ABCC5: variants seen among roughly 807,000 people sequenced by gnomAD.
The protein encoded by ABCC5 is ATP binding cassette subfamily C member 5, also known as ATP-binding cassette sub-family C member 5.
ABCC5 carries 61 observed loss-of-function variants against 160.9 expected under a neutral mutation model. The observed-to-expected ratio is 0.38, with a 90% confidence interval of 0.31 to 0.47. ABCC5 has a LOEUF of 0.47. Ranked by LOEUF, ABCC5 falls within the 20% of genes least tolerant of loss-of-function variation. The pLI is 0.99. For missense variants in ABCC5, 1,308 were observed against 1,813.3 expected (o/e 0.72, Z 5.06); for synonymous variants, 666 against 700.6 (o/e 0.95, Z 0.78).
At chr3:183,930,583 C>T (rs1036119851) in intron 26 of ABCC5, among the ~76,000 whole-genome samples, 1 of 152,152 alleles carries the variant, frequency 6.6e-6, no homozygotes, top group African/African-American at 2.4e-5. Context: ...ATGACTGGTC[C>T]TTATGAGAGA....
At position 183,949,815 on chromosome 3, in the gene ABCC5, C is replaced by T. The variant is rs375341021; in HGVS notation, c.3165G>A (p.Thr1055=). The T allele has an allele frequency of 1.2e-4, 196 of 1,614,134 alleles. 2 individuals carry two copies. In the South Asian group the frequency reaches 1.6e-3, roughly 13 times the overall value. ...ITQSPFLSHI[T]SSIQGLATIH... is the part of the protein sequence containing the mutation. Reference sequence around the variant, plus strand: ...TGGTGGCAAGGCCCTGTATGCTGGACGTGATGTGGGAGAGGAAAGGTGACT... The same window carrying T: ...TGGTGGCAAGGCCCTGTATGCTGGATGTGATGTGGGAGAGGAAAGGTGACT... The change falls in exon 22 of 30, where the codon ACG becomes ACA. Residue 1055 remains threonine, a synonymous_variant. Coordinates refer to ENST00000334444, the MANE Select transcript of ABCC5 (RefSeq NM_005688.4). This position sits in a 1 kb window ranked among gnomAD's most constrained non-coding sequence, Gnocchi z 4.2.
rs1342983496 is a variant in ABCC5, at chr3:183,963,492, C to T, written c.2128G>A (p.Asp710Asn). The T allele has an allele frequency of 6.2e-7, 1 of 1,614,232 alleles. No individual in the cohort carries two copies. The highest frequency in any genetic ancestry group is 1.7e-5 in the Admixed American group (1 of 60,028). The change falls in exon 15 of 30, where the codon GAC (aspartate) becomes AAC (asparagine). Residue 710 changes from aspartate (D) to asparagine (N), a missense_variant. Transcript: ENST00000334444. The surrounding 1 kb of genome is among the most constrained non-coding windows in gnomAD (Gnocchi z 4.6). ...TGGGCATCTAAGGCACTGAGGGGGT[C>T]GTCCAGGATGTAGATGCTCCTGTCA... ...YSDRSIYILD[D>N]PLSALDAHVG...
intron 26 of ABCC5, among the ~76,000 whole-genome samples, chr3:183,935,556 T>G (rs964897629): frequency 6.6e-6 from 1 of 152,012 alleles, no homozygotes; most frequent in African/African-American, 2.4e-5. Flanking sequence ...TAGGCTGGAG[T>G]GCAGTGGGAC....
chr3:183,973,142 C>T (rs532016920), intron 10 of ABCC5, among the ~76,000 whole-genome samples: 1 of 150,860 alleles, frequency 6.6e-6, no homozygotes, highest in Non-Finnish European at 1.5e-5. Flanking sequence ...GCAAGCTCCG[C>T]CTCCTGAGTT....
intron 16 of ABCC5, among the ~76,000 whole-genome samples, chr3:183,960,607 C>G (rs17217796): frequency 0.047 from 7,153 of 152,218 alleles, 269 homozygotes; most frequent in East Asian, 0.17. Flanking sequence ...TCGGTCTTCC[C>G]TAGAACACTG....
chr3:184,009,629 G>A (rs2108921788), intron 2 of ABCC5, among the ~76,000 whole-genome samples: 1 of 152,164 alleles, frequency 6.6e-6, no homozygotes, highest in East Asian at 1.9e-4. Flanking sequence ...GACAGGTAAC[G>A]GTCAAGCAGA....
chr3:183,994,445 G>A (rs1013321038), intron 2 of ABCC5, among the ~76,000 whole-genome samples: 4 of 151,642 alleles, frequency 2.6e-5, no homozygotes, highest in African/African-American at 4.8e-5. Flanking sequence ...GTGCAATCTC[G>A]GGTCACTGCA....
At position 183,987,400 on chromosome 3, in the gene ABCC5, C is replaced by T; in HGVS notation, c.591+370G>A. The T allele has an allele frequency of 4.0e-6, 2 of 501,156 alleles. No individual in the cohort carries two copies. Among genetic ancestry groups the T allele is most frequent in the Non-Finnish European group, 7.1e-6 (2 of 282,026 alleles). The allele number at this position is 501,156 out of a possible 1,614,324, so 31.0% of individuals were successfully genotyped here. ...CCAGGCACTTGGTATGTTCCCGGTG[C>T]TGGCTCACCAGCCCGGGCCACACAA... On this transcript the variant is annotated intron_variant, in intron 5 of 29. Coordinates refer to ENST00000334444, the MANE Select transcript of ABCC5 (RefSeq NM_005688.4). This position sits in a 1 kb window ranked among gnomAD's most constrained non-coding sequence, Gnocchi z 4.2.
chr3:183,959,070 C>CAT (rs1371184874), intron 17 of ABCC5, among the ~76,000 whole-genome samples: 5 of 151,684 alleles, frequency 3.3e-5, no homozygotes, highest in Non-Finnish European at 7.4e-5. Context: ...CACACACACA[C>CAT]ACACACACAC....
At chr3:183,993,517 C>T (rs1360676556) in intron 2 of ABCC5, among the ~76,000 whole-genome samples, 1 of 150,310 alleles carries the variant, frequency 6.7e-6, no homozygotes, top group Admixed American at 6.7e-5. Flanking sequence ...CAGGAACTTC[C>T]AAATACTGAG....
chr3:184,009,788 G>T (rs1244975960), intron 2 of ABCC5: 2 of 223,108 alleles, frequency 9.0e-6, no homozygotes, highest in Middle Eastern at 2.0e-3. Flanking sequence ...TAGAATAAAA[G>T]AAATCTTTTA....
At chr3:183,927,207 C>T in intron 28 of ABCC5, 123 bp downstream of exon 28, 1 of 929,008 alleles carries the variant, frequency 1.1e-6, no homozygotes, top group South Asian at 1.6e-5. Flanking sequence ...TATCTCTGGT[C>T]ATGCTCTTAG....
chr3:183,958,203 T>C (rs1716399063), intron 17 of ABCC5, among the ~76,000 whole-genome samples: 1 of 152,264 alleles, frequency 6.6e-6, no homozygotes, highest in Admixed American at 6.5e-5. Flanking sequence ...CTTATCCGTG[T>C]GTATATTACA....
chr3:183,921,047 A>G lies in ABCC5; in HGVS notation c.*253T>C, dbSNP rs998487646. On this transcript the variant is annotated 3_prime_UTR_variant, in exon 30 of 30. Coordinates refer to ENST00000334444, the MANE Select transcript of ABCC5 (RefSeq NM_005688.4). This position sits in a 1 kb window ranked among gnomAD's most constrained non-coding sequence, Gnocchi z 4.1. ...ATTATAGGCCTCTGATACAATTATA[A>G]TAACGGTTCCCTGAACCTTTTAGAG... 3.2e-5 allele frequency: 11 copies of G among 347,412 alleles called. No individual in the cohort carries two copies. The highest frequency in any genetic ancestry group is 3.1e-5 in the Non-Finnish European group (6 of 191,892). 21.5% of individuals were successfully genotyped at this position (347,412 alleles called of 1,614,324 possible). A position where few individuals can be genotyped will look rare whatever the true frequency, so the allele number is the denominator to read the frequency against.
At chr3:183,983,993 C>T (rs1718975595) in intron 5 of ABCC5, 17 of 985,390 alleles carry the variant, frequency 1.7e-5, no homozygotes, top group Non-Finnish European at 2.0e-5. Flanking sequence ...AGTAGTATAT[C>T]AGGCTGACAG....
chr3:183,988,435 G>A lies in ABCC5; in HGVS notation c.443+137C>T. On this transcript the variant is annotated intron_variant, in intron 4 of 29. Transcript: ENST00000334444. The surrounding 1 kb of genome is among the most constrained non-coding windows in gnomAD (Gnocchi z 4.4). ...AGGAGATAAAGCAAAAGAGCAAAGA[G>A]AAAGTCATCCCCAGGCCGCCCGCCC... 1 of 1,026,660 alleles carries A rather than the reference G, an allele frequency of 9.7e-7. No individual in the cohort carries two copies. 63.6% of individuals were successfully genotyped at this position (1,026,660 alleles called of 1,614,324 possible).
chr3:183,979,344 C>CAAA (rs574015878), intron 8 of ABCC5, among the ~76,000 whole-genome samples: 4 of 107,720 alleles, frequency 3.7e-5, no homozygotes, highest in Non-Finnish European at 3.9e-5. Context: ...GGCCTTATCT[C>CAAA]AAAAAAAAAA....
intron 5 of ABCC5, chr3:183,983,347 A>C: frequency 3.2e-6 from 1 of 310,702 alleles, no homozygotes; most frequent in East Asian, 6.4e-5. Flanking sequence ...ATCTCCACAC[A>C]TGGATACATT....
chr3:183,943,449 ACTT>A (rs1442861797), intron 24 of ABCC5, among the ~76,000 whole-genome samples: 11 of 152,162 alleles, frequency 7.2e-5, no homozygotes, highest in Admixed American at 7.2e-4. Context: ...ACAGATCACC[ACTT>A]CTTCTGCATC....
Sources: allele counts gnomAD v4.1 joint callset (sites outside exome capture counted in the v4.1 genomes callset), GRCh38; gene constraint gnomAD v4.1.1; non-coding constraint Gnocchi (gnomAD v3.1); transcripts MANE v1.5; gene names NCBI Gene and HGNC (gene_info 2026-07-23, HGNC 2026-07-21).